The following SPOCK3 variants were observed in gnomAD, a reference collection of about 807,000 sequenced individuals.
The protein encoded by SPOCK3 is SPARC (osteonectin), cwcv and kazal like domains proteoglycan 3, also known as testican-3.
Under a neutral mutation model 56.6 loss-of-function variants are expected in SPOCK3, and 30 were observed. That is an observed-to-expected ratio of 0.53 (90% confidence interval 0.40 to 0.72). SPOCK3 has a LOEUF of 0.72. Among genes scored for constraint, SPOCK3 ranks in the 30% least tolerant of loss-of-function variants. The probability of loss-of-function intolerance (pLI) is 0.00; values close to 1 mark genes in which losing one functional copy is unlikely to be tolerated. For synonymous variants in SPOCK3, 196 were observed against 183.3 expected, an observed-to-expected ratio of 1.07 and a Z score of -0.56; for missense variants, 527 against 530.0, an observed-to-expected ratio of 0.99 and a Z score of 0.06.
At chr4:167,174,296 T>C (rs1359857315) in intron 2 of SPOCK3, among the ~76,000 whole-genome samples, 3 of 152,038 alleles carry the variant, frequency 2.0e-5, no homozygotes, top group Non-Finnish European at 4.4e-5. Flanking sequence ...TTTTAAAGGA[T>C]AATAAAATAT....
At chr4:166,949,238 A>G (rs956230103) in intron 4 of SPOCK3, among the ~76,000 whole-genome samples, 4 of 152,172 alleles carry the variant, frequency 2.6e-5, no homozygotes, top group South Asian at 2.1e-4. Flanking sequence ...CTAGTTATAC[A>G]TTCGTCTAAA....
At chr4:166,931,878 C>T (rs1186256576) in intron 4 of SPOCK3, among the ~76,000 whole-genome samples, 1 of 152,116 alleles carries the variant, frequency 6.6e-6, no homozygotes, top group Non-Finnish European at 1.5e-5. Context: ...GTGCCCTCTC[C>T]ATTACTATTG....
intron 4 of SPOCK3, among the ~76,000 whole-genome samples, chr4:166,953,131 AT>A (rs1742900252): frequency 6.6e-6 from 1 of 150,476 alleles, no homozygotes; most frequent in Non-Finnish European, 1.5e-5. Context: ...AGAAACTACC[AT>A]CAGAGTGAAC....
chr4:166,935,244 CA>C (rs1418504351), intron 4 of SPOCK3, among the ~76,000 whole-genome samples: 1 of 152,134 alleles, frequency 6.6e-6, no homozygotes, highest in Admixed American at 6.5e-5. Flanking sequence ...TTCCATCCAA[CA>C]ACCATGAGTT....
chr4:166,848,912 G>A (rs1221258839), intron 6 of SPOCK3, among the ~76,000 whole-genome samples: 1 of 152,182 alleles, frequency 6.6e-6, no homozygotes, highest in Non-Finnish European at 1.5e-5. Flanking sequence ...AACAGGTGAT[G>A]TAAACTATGT....
At chr4:167,167,527 T>C (rs1469040214) in intron 2 of SPOCK3, among the ~76,000 whole-genome samples, 1 of 152,192 alleles carries the variant, frequency 6.6e-6, no homozygotes, top group African/African-American at 2.4e-5. Context: ...GTGTATGGTA[T>C]TTCTCACTAT....
chr4:166,914,439 T>TA (rs1737621899), intron 4 of SPOCK3, among the ~76,000 whole-genome samples: 1 of 152,144 alleles, frequency 6.6e-6, no homozygotes, highest in African/African-American at 2.4e-5. Context: ...CAATTTTAAT[T>TA]TAAAGAGTAA....
chr4:167,223,475 C>T (rs1736273708), intron 2 of SPOCK3, among the ~76,000 whole-genome samples: 1 of 151,246 alleles, frequency 6.6e-6, no homozygotes, highest in Non-Finnish European at 1.5e-5. Context: ...CCCAAAACAG[C>T]ATTAACAGAT....
intron 5 of SPOCK3, among the ~76,000 whole-genome samples, chr4:166,908,610 C>T (rs1736892710): frequency 1.3e-5 from 2 of 151,462 alleles, no homozygotes; most frequent in African/African-American, 4.8e-5. Flanking sequence ...TTGTTTAGTT[C>T]AATTGCCAAG....
intron 2 of SPOCK3, among the ~76,000 whole-genome samples, chr4:167,174,737 G>A (rs1730818267): frequency 6.6e-6 from 1 of 152,126 alleles, no homozygotes; most frequent in African/African-American, 2.4e-5. Flanking sequence ...TTATAGAGTG[G>A]GACCTTGGGG....
chr4:166,993,802 G>A (rs1748059703), intron 4 of SPOCK3, among the ~76,000 whole-genome samples: 1 of 152,148 alleles, frequency 6.6e-6, no homozygotes, highest in African/African-American at 2.4e-5. Flanking sequence ...ATTCTACCTT[G>A]GGTTGGGAGG....
intron 4 of SPOCK3, among the ~76,000 whole-genome samples, chr4:166,941,220 A>G (rs971692934): frequency 2.6e-5 from 4 of 152,110 alleles, no homozygotes; most frequent in Non-Finnish European, 5.9e-5. Context: ...TTTCTATGGG[A>G]ATTTAAAACC....
intron 2 of SPOCK3, among the ~76,000 whole-genome samples, chr4:167,118,225 C>A (rs1407791043): frequency 1.3e-5 from 2 of 152,084 alleles, no homozygotes; most frequent in African/African-American, 4.8e-5. Context: ...AAAAAGTAAA[C>A]AACCTAGATC....
intron 3 of SPOCK3, among the ~76,000 whole-genome samples, chr4:167,006,591 C>T (rs1186709135): frequency 1.3e-5 from 2 of 152,000 alleles, no homozygotes; most frequent in Non-Finnish European, 2.9e-5. Flanking sequence ...TCCGATAATT[C>T]GCCTACCCAG....
intron 3 of SPOCK3, among the ~76,000 whole-genome samples, chr4:167,061,750 C>T (rs891835275): frequency 6.6e-6 from 1 of 151,908 alleles, no homozygotes; most frequent in Middle Eastern, 3.2e-3. Context: ...TTACTATATA[C>T]TCTATGTAAA....
At chr4:166,789,001 T>C in intron 7 of SPOCK3, among the ~76,000 whole-genome samples, 2 of 152,296 alleles carry the variant, frequency 1.3e-5, no homozygotes, top group Middle Eastern at 6.9e-3. Flanking sequence ...ATTGGATTTT[T>C]TGTCTGCTAT....
In SPOCK3 at chr4:166,852,617, C is replaced by T. The variant is rs1730243074; in HGVS notation, c.589+36513G>A. Among the ~76,000 whole-genome samples, 3 of 152,190 alleles carry T rather than the reference C, an allele frequency of 2.0e-5. No individual in the cohort carries two copies. In the South Asian group the frequency reaches 6.2e-4, roughly 32 times the overall value. ...ATTCTGTCCAGTCACAAATCCCCAT[C>T]TTGTTCTTTCCTTCCTCAAAGTGTT... is the stretch of plus-strand genomic sequence containing the variant. On this transcript the variant is annotated intron_variant, in intron 6 of 10. Coordinates refer to ENST00000357545, the MANE Select transcript of SPOCK3 (RefSeq NM_001040159.2).
At chr4:166,833,098 C>CGT (rs979153907) in intron 6 of SPOCK3, among the ~76,000 whole-genome samples, 6 of 152,026 alleles carry the variant, frequency 3.9e-5, no homozygotes, top group Non-Finnish European at 8.8e-5. Context: ...ATATTATATA[C>CGT]GTGTGTGTGT....
intron 2 of SPOCK3, among the ~76,000 whole-genome samples, chr4:167,205,347 A>ATATTTTATATC (rs1734042275): frequency 5.1e-5 from 2 of 39,236 alleles, no homozygotes; most frequent in African/African-American, 2.8e-4. Context: ...TATATTATAT[A>ATATTTTATATC]TATAATATAT....
Sources: gnomAD v4.1 joint callset for allele counts (sites outside exome capture counted in the v4.1 genomes callset) on GRCh38, gnomAD v4.1.1 for gene constraint, MANE v1.5 for transcripts, NCBI Gene and HGNC (gene_info 2026-07-23, HGNC 2026-07-21) for gene names.